Variants in ADCY2 observed in about 807,000 individuals in gnomAD.
The protein encoded by ADCY2 is adenylate cyclase 2, also known as adenylate cyclase type 2.
ADCY2 carries 31 observed loss-of-function variants against 125.2 expected under a neutral mutation model. The ratio of observed to expected loss-of-function variants is 0.25; its 90% confidence interval spans 0.19 to 0.33. ADCY2 has a LOEUF of 0.33. ADCY2 is among the 10% of genes least tolerant of loss of function. The pLI is 1.00. For missense variants in ADCY2, 904 were observed against 1,418.2 expected, an observed-to-expected ratio of 0.64 and a Z score of 5.82; for synonymous variants, 512 against 548.4, an observed-to-expected ratio of 0.93 and a Z score of 0.93.
intron 2 of ADCY2, among the ~76,000 whole-genome samples, chr5:7,444,686 A>G (rs1741164887): frequency 6.6e-6 from 1 of 152,196 alleles, no homozygotes; most frequent in Non-Finnish European, 1.5e-5. Context: ...AAGGATGAGC[A>G]TGATATTGCT....
At chr5:7,645,652 T>G (rs1738869878) in intron 4 of ADCY2, among the ~76,000 whole-genome samples, 1 of 152,144 alleles carries the variant, frequency 6.6e-6, no homozygotes, top group African/African-American at 2.4e-5. Flanking sequence ...TTTACATCAC[T>G]ATTTACAGAC....
chr5:7,415,840 T>A (rs150913291), intron 2 of ADCY2, among the ~76,000 whole-genome samples: 54 of 152,198 alleles, frequency 3.5e-4, no homozygotes, highest in African/African-American at 1.2e-3. Flanking sequence ...AGGCCTAGGC[T>A]GAGATGTGAG....
At chr5:7,607,211 A>C (rs889668844) in intron 3 of ADCY2, among the ~76,000 whole-genome samples, 3 of 152,210 alleles carry the variant, frequency 2.0e-5, no homozygotes, top group Non-Finnish European at 2.9e-5. Context: ...GGTTTAAAAA[A>C]TTACACCAGG....
At position 7,396,501 on chromosome 5, in the gene ADCY2, G is replaced by C. The variant is rs756050509; in HGVS notation, c.205G>C (p.Gly69Arg). 7.7e-6 allele frequency: 12 copies of C among 1,561,310 alleles called. No individual in the cohort carries two copies. Among genetic ancestry groups the C allele is most frequent in the South Asian group, 1.1e-5 (1 of 87,156 alleles). The stretch of plus-strand genomic sequence containing the variant: ...CCTGCTCGCCGTCTTCTTCGCGCTC[G>C]GGCTGGTGAGTGGCCTCCCCGCGGG... ...LALLAVFFAL[G>R]LEVEDHVAFL... The change falls in exon 1 of 25, where the codon GGG (glycine) becomes CGG (arginine). Residue 69 changes from glycine (G) to arginine (R), a missense_variant. Physicochemically the swap from Gly to Arg is moderately radical, Grantham distance 125. Coordinates refer to ENST00000338316, the MANE Select transcript of ADCY2 (RefSeq NM_020546.3). The surrounding 1 kb of genome is among the most constrained non-coding windows in gnomAD (Gnocchi z 5.7).
intron 3 of ADCY2, among the ~76,000 whole-genome samples, chr5:7,544,123 C>T (rs1735081376): frequency 6.6e-6 from 1 of 152,034 alleles, no homozygotes; most frequent in Admixed American, 6.5e-5. Context: ...GGTTGAGCCC[C>T]TTCCCCATGA....
chr5:7,403,376 A>G (rs1317490784), intron 1 of ADCY2, among the ~76,000 whole-genome samples: 1 of 152,184 alleles, frequency 6.6e-6, no homozygotes, highest in African/African-American at 2.4e-5. Flanking sequence ...TGGTCAACCT[A>G]ATGTCTGACT....
rs540678740 is a variant in ADCY2 at position 7,458,541 on chromosome 5, GT to G, written c.408+43772del. Among the ~76,000 whole-genome samples, 372 of 152,168 alleles carry G rather than the reference GT, an allele frequency of 2.4e-3. 1 individual carries two copies. The highest frequency in any genetic ancestry group is 8.5e-3 in the African/African-American group (352 of 41,472). ...AAACATGTATTCTGTGATATTGTCA[GT>G]CTGCTCTGAACTTCAGCTTTCTCGT... On this transcript the variant is annotated intron_variant, in intron 2 of 24. Transcript: ENST00000338316.
In ADCY2 at chr5:7,710,649, G is replaced by C. The variant is rs906068726; in HGVS notation, c.1578+1262G>C. Among the ~76,000 whole-genome samples the C allele has an allele frequency of 4.6e-5, 7 of 152,168 alleles. No homozygotes were observed. The South Asian group carries it at 6.2e-4, about 14-fold the overall frequency. On this transcript the variant is annotated intron_variant, in intron 10 of 24. Coordinates refer to ENST00000338316, the MANE Select transcript of ADCY2 (RefSeq NM_020546.3). Reference sequence around the variant, plus strand: ...CTGTGGCTGGAGCATCATGAACAATGAGCAAAGGGAGGTCATGGGGTGAGA... The same window carrying C: ...CTGTGGCTGGAGCATCATGAACAATCAGCAAAGGGAGGTCATGGGGTGAGA...
chr5:7,442,293 A>T (rs1741042794), intron 2 of ADCY2, among the ~76,000 whole-genome samples: 1 of 151,996 alleles, frequency 6.6e-6, no homozygotes, highest in South Asian at 2.1e-4. Flanking sequence ...TCATCTTACA[A>T]GCTCTGTCTT....
chr5:7,674,710 G>C (rs1740057516), intron 4 of ADCY2, among the ~76,000 whole-genome samples: 1 of 152,132 alleles, frequency 6.6e-6, no homozygotes, highest in Non-Finnish European at 1.5e-5. Flanking sequence ...GGGTGGGGAG[G>C]GTTAAAAGTC....
intron 2 of ADCY2, among the ~76,000 whole-genome samples, chr5:7,450,663 TC>T (rs1741439885): frequency 1.3e-5 from 2 of 152,216 alleles, no homozygotes. Context: ...TAAGAAGATG[TC>T]CTCTAGGACT....
At chr5:7,703,004 C>T (rs543809105) in intron 7 of ADCY2, among the ~76,000 whole-genome samples, 1 of 152,310 alleles carries the variant, frequency 6.6e-6, no homozygotes, top group South Asian at 2.1e-4. Flanking sequence ...TTTCATGTGT[C>T]TGTTGGCTGC....
intron 22 of ADCY2, among the ~76,000 whole-genome samples, chr5:7,815,103 G>A (rs79859259): frequency 3.3e-3 from 507 of 152,274 alleles, no homozygotes; most frequent in Middle Eastern, 0.027. Context: ...GGTCAGCTTT[G>A]ACCTTCCGCC....
At chr5:7,819,603 A>G (rs796913781) in intron 23 of ADCY2, among the ~76,000 whole-genome samples, 18 of 152,300 alleles carry the variant, frequency 1.2e-4, no homozygotes, top group African/African-American at 4.3e-4. Flanking sequence ...TTAGATTTCT[A>G]AGGAAGCCTG....
At chr5:7,641,873 G>A (rs1049633405) in intron 4 of ADCY2, among the ~76,000 whole-genome samples, 1 of 152,150 alleles carries the variant, frequency 6.6e-6, no homozygotes, top group Non-Finnish European at 1.5e-5. Flanking sequence ...TTTTATGGCT[G>A]CATAGTATCC....
At chr5:7,704,000 C>CA (rs11419642) in intron 7 of ADCY2, among the ~76,000 whole-genome samples, 67,021 of 134,430 alleles carry the variant, frequency 0.5, 16,890 homozygotes, top group East Asian at 0.83. Context: ...AGATTCTGTC[C>CA]AAAAAAAAAA....
intron 3 of ADCY2, among the ~76,000 whole-genome samples, chr5:7,588,795 C>A (rs1736714693): frequency 6.6e-6 from 1 of 152,134 alleles, no homozygotes; most frequent in Non-Finnish European, 1.5e-5. Flanking sequence ...AGCTCTTGGG[C>A]TGTACAAAAA....
At chr5:7,655,395 C>T (rs1359868830) in intron 4 of ADCY2, among the ~76,000 whole-genome samples, 1 of 152,108 alleles carries the variant, frequency 6.6e-6, no homozygotes, top group Non-Finnish European at 1.5e-5. Context: ...AGCTGGAGGC[C>T]CAGGAAAGCC....
chr5:7,598,576 G>A lies in ADCY2; in HGVS notation c.571-27591G>A, dbSNP rs187625737. Among the ~76,000 whole-genome samples, 376 of 152,282 alleles carry A rather than the reference G, an allele frequency of 2.5e-3. 4 individuals carry two copies. Among genetic ancestry groups the A allele is most frequent in the Admixed American group, 0.021 (314 of 15,296 alleles). ...ACATCCTTGGTCTTCATTATACATA[G>A]GGTAGTTGGAGGCCCTGACCTGAAG... On this transcript the variant is annotated intron_variant, in intron 3 of 24. Coordinates refer to ENST00000338316, the MANE Select transcript of ADCY2 (RefSeq NM_020546.3).
Sources: gnomAD v4.1 joint callset for allele counts (sites outside exome capture counted in the v4.1 genomes callset) on GRCh38, gnomAD v4.1.1 for gene constraint, Gnocchi (gnomAD v3.1) non-coding constraint, MANE v1.5 for transcripts, NCBI Gene and HGNC (gene_info 2026-07-23, HGNC 2026-07-21) for gene names.